The following TBL1XR1 variants were observed in gnomAD, a reference collection of about 807,000 sequenced individuals.
TBL1XR1 encodes the protein TBL1X/Y related 1, also known as F-box-like/WD repeat-containing protein TBL1XR1.
Under a neutral mutation model 66.9 loss-of-function variants are expected in TBL1XR1, and 5 were observed. That is an observed-to-expected ratio of 0.07 (90% CI 0.04 to 0.16). TBL1XR1 has a LOEUF of 0.16. TBL1XR1 is among the 10% of genes least tolerant of loss of function. The pLI is 1.00. For missense variants in TBL1XR1, 238 were observed against 623.2 expected (o/e 0.38, Z 6.58); for synonymous variants, 210 against 206.0 (o/e 1.02, Z -0.17).
intron 2 of TBL1XR1, 75 bp downstream of exon 2, chr3:177,098,389 GAA>G (rs1723771005): frequency 1.2e-6 from 1 of 869,070 alleles, no homozygotes; most frequent in African/African-American, 1.8e-5. Flanking sequence ...CAAATTGTGA[GAA>G]ACTTTCAAAA....
intron 1 of TBL1XR1, among the ~76,000 whole-genome samples, chr3:177,140,266 C>G (rs1029950290): frequency 9.2e-5 from 14 of 152,174 alleles, no homozygotes; most frequent in African/African-American, 3.4e-4. Flanking sequence ...AGCCACTGCA[C>G]TCCAGCCTGG....
rs577977907 is a variant in TBL1XR1 at position 177,181,855 on chromosome 3, G to A, written c.-122+15266C>T. Among the ~76,000 whole-genome samples, 9 of 152,070 alleles carry A rather than the reference G, an allele frequency of 5.9e-5. No individual in the cohort carries two copies. The South Asian group carries it at 1.7e-3, about 28-fold the overall frequency. On this transcript the variant is annotated intron_variant, in intron 1 of 15. Coordinates refer to ENST00000457928, the MANE Select transcript of TBL1XR1 (RefSeq NM_024665.7). ...AAAAAAAACACACACATGATGAAGG[G>A]TCTAAAGAGACTGCAGAATACATAA...
intron 2 of TBL1XR1, among the ~76,000 whole-genome samples, chr3:177,068,975 T>A (rs879315104): frequency 2.0e-5 from 3 of 152,252 alleles, no homozygotes; most frequent in Non-Finnish European, 4.4e-5. Flanking sequence ...AACTTAGATG[T>A]GACGAACTTA....
chr3:177,074,830 A>G (rs1720485342), intron 2 of TBL1XR1, among the ~76,000 whole-genome samples: 1 of 152,344 alleles, frequency 6.6e-6, no homozygotes, highest in South Asian at 2.1e-4. Flanking sequence ...AATACATTTT[A>G]ACTCAATCTT....
chr3:177,135,379 ATATGTATG>A (rs56920899), intron 1 of TBL1XR1, among the ~76,000 whole-genome samples: 1 of 26,372 alleles, frequency 3.8e-5, no homozygotes, highest in Non-Finnish European at 6.2e-5. Context: ...ATATATATAT[ATATGTATG>A]TATTTTTTTT....
intron 1 of TBL1XR1, chr3:177,126,056 G>C (rs954014531): frequency 6.6e-6 from 1 of 152,202 alleles, no homozygotes; most frequent in African/African-American, 2.4e-5. Flanking sequence ...TGTCATCCTT[G>C]TGCAGGGGAC....
At chr3:177,039,939 T>A (rs551014629) in intron 10 of TBL1XR1, among the ~76,000 whole-genome samples, 2 of 152,186 alleles carry the variant, frequency 1.3e-5, no homozygotes, top group Non-Finnish European at 2.9e-5. Flanking sequence ...GCAACTGAGA[T>A]CTTATGGCCT....
chr3:177,103,050 T>C (rs1724420486), intron 1 of TBL1XR1, among the ~76,000 whole-genome samples: 1 of 152,174 alleles, frequency 6.6e-6, no homozygotes, highest in Non-Finnish European at 1.5e-5. Flanking sequence ...AGTGTCTAGA[T>C]ATAGAGAAAT....
At chr3:177,056,800 C>T (rs1717857304) in intron 3 of TBL1XR1, among the ~76,000 whole-genome samples, 1 of 152,156 alleles carries the variant, frequency 6.6e-6, no homozygotes, top group Admixed American at 6.5e-5. Context: ...ATCCTACCAT[C>T]CTACTCCAAA....
chr3:177,099,565 A>ACTAAC (rs1723937885), intron 1 of TBL1XR1: 1 of 152,216 alleles, frequency 6.6e-6, no homozygotes, highest in African/African-American at 2.4e-5. Context: ...TAAGAAGATA[A>ACTAAC]CTAAGTAAAT....
chr3:177,124,434 C>G (rs1727359089), intron 1 of TBL1XR1, among the ~76,000 whole-genome samples: 1 of 152,086 alleles, frequency 6.6e-6, no homozygotes, highest in South Asian at 2.1e-4. Context: ...CACTACTTTA[C>G]CAAGTTATTA....
At chr3:177,072,282 T>G in intron 2 of TBL1XR1, among the ~76,000 whole-genome samples, 1 of 152,164 alleles carries the variant, frequency 6.6e-6, no homozygotes, top group Non-Finnish European at 1.5e-5. Flanking sequence ...CCAAGACTTT[T>G]TAAGGGAACT....
intron 1 of TBL1XR1, among the ~76,000 whole-genome samples, chr3:177,105,653 GCT>G (rs1239264564): frequency 2.0e-5 from 3 of 152,190 alleles, no homozygotes; most frequent in South Asian, 4.1e-4. Context: ...TCTTTGATTA[GCT>G]CTGTCCTACA....
chr3:177,176,385 C>A (rs1041336335), intron 1 of TBL1XR1, among the ~76,000 whole-genome samples: 2 of 151,284 alleles, frequency 1.3e-5, no homozygotes, highest in Non-Finnish European at 1.5e-5. Context: ...TTAATAGAGA[C>A]GGAATTTCAC....
rs144620634 is a variant in TBL1XR1, at chr3:177,089,319, G to A, written c.-46+9147C>T. Among the ~76,000 whole-genome samples the A allele has an allele frequency of 1.8e-4, 27 of 152,220 alleles. No individual in the cohort carries two copies. In the East Asian group the frequency reaches 5.2e-3, roughly 29 times the overall value. On this transcript the variant is annotated intron_variant, in intron 2 of 15. Coordinates refer to ENST00000457928, the MANE Select transcript of TBL1XR1 (RefSeq NM_024665.7). ...GTAGCTTTTTACTGCAAAGCACCCT[G>A]AGGCCAAACAGCAGGTCAGGAGCTG...
chr3:177,067,280 T>C (rs992093194), intron 2 of TBL1XR1, among the ~76,000 whole-genome samples: 2 of 152,248 alleles, frequency 1.3e-5, no homozygotes, highest in Admixed American at 6.5e-5. Flanking sequence ...AACTATTTTA[T>C]TTTTAGGATT....
At chr3:177,184,423 C>T (rs1285515974) in intron 1 of TBL1XR1, among the ~76,000 whole-genome samples, 3 of 152,142 alleles carry the variant, frequency 2.0e-5, no homozygotes, top group Non-Finnish European at 4.4e-5. Flanking sequence ...TGAAATAAGA[C>T]AAAATGTAGT....
intron 1 of TBL1XR1, among the ~76,000 whole-genome samples, chr3:177,146,607 AGT>A (rs1730288809): frequency 3.3e-5 from 5 of 149,338 alleles, no homozygotes; most frequent in Non-Finnish European, 4.5e-5. Context: ...AAAAAAAAAA[AGT>A]TGTATTCACT....
intron 1 of TBL1XR1, among the ~76,000 whole-genome samples, chr3:177,186,396 G>A (rs1735409951): frequency 6.6e-6 from 1 of 152,058 alleles, no homozygotes; most frequent in Non-Finnish European, 1.5e-5. Context: ...CCATAAAAAG[G>A]TAATTGCAGA....
Sources: allele counts gnomAD v4.1 joint callset (sites outside exome capture counted in the v4.1 genomes callset), GRCh38; gene constraint gnomAD v4.1.1; transcripts MANE v1.5; gene names NCBI Gene and HGNC (gene_info 2026-07-23, HGNC 2026-07-21).